The following RNF144A variants were observed in gnomAD, a reference collection of about 807,000 sequenced individuals.
The protein encoded by RNF144A is ring finger protein 144A.
Under a neutral mutation model 38.7 loss-of-function variants are expected in RNF144A, and 11 were observed. The observed-to-expected ratio is 0.28, with a 90% CI of 0.18 to 0.47. RNF144A has a LOEUF of 0.47. RNF144A is among the 20% of genes least tolerant of loss of function. RNF144A has a pLI of 0.99. For missense variants in RNF144A, 316 were observed against 377.2 expected, an observed-to-expected ratio of 0.84 and a Z score of 1.34; for synonymous variants, 149 against 143.9, an observed-to-expected ratio of 1.04 and a Z score of -0.25.
At chr2:7,033,975 CA>C (rs1159269813) in intron 8 of RNF144A, among the ~76,000 whole-genome samples, 1 of 152,172 alleles carries the variant, frequency 6.6e-6, no homozygotes, top group Non-Finnish European at 1.5e-5. Context: ...GGGAACTTCA[CA>C]GGGGCCGGGC....
In RNF144A at chr2:6,943,109, G is replaced by A. The variant is rs78451556; in HGVS notation, c.-12+1962G>A. Among the ~76,000 whole-genome samples, 3,034 of 152,352 alleles carry A rather than the reference G, an allele frequency of 0.02. 97 individuals are homozygous for A. The highest frequency in any genetic ancestry group is 0.07 in the African/African-American group (2,894 of 41,568). The stretch of plus-strand genomic sequence containing the variant: ...ATCTGATCGTTTAAGAGGGCGGTAT[G>A]TGCTGGAGATGTGATAGGAGTCTTT... On this transcript the variant is annotated intron_variant, in intron 2 of 8. Coordinates refer to ENST00000320892, the MANE Select transcript of RNF144A (RefSeq NM_014746.6). The surrounding 1 kb of genome is among the most constrained non-coding windows in gnomAD (Gnocchi z 4.3).
chr2:7,018,975 C>T (rs747885715), intron 5 of RNF144A, among the ~76,000 whole-genome samples: 4 of 152,032 alleles, frequency 2.6e-5, no homozygotes, highest in Admixed American at 6.5e-5. Context: ...CCGCCGGTGG[C>T]CTGCTGCTGT....
At chr2:6,987,399 A>C (rs1027345083) in intron 2 of RNF144A, among the ~76,000 whole-genome samples, 4 of 152,000 alleles carry the variant, frequency 2.6e-5, no homozygotes, top group African/African-American at 9.7e-5. Context: ...TCAGATCACA[A>C]TTCTGTCCTC....
At chr2:7,045,218 G>A (rs1255496357), downstream of RNF144A, among the ~76,000 whole-genome samples, 1 of 152,208 alleles carries the variant, frequency 6.6e-6, no homozygotes, top group Non-Finnish European at 1.5e-5. Flanking sequence ...TGACCTGGTG[G>A]GGGCACAGTG....
At chr2:7,030,847 T>A (rs1672250240) in intron 8 of RNF144A, among the ~76,000 whole-genome samples, 1 of 151,946 alleles carries the variant, frequency 6.6e-6, no homozygotes, top group Non-Finnish European at 1.5e-5. Context: ...AGCCCTGAGC[T>A]TGTTTTCCTG....
At chr2:6,970,684 A>G (rs1572297515) in intron 2 of RNF144A, among the ~76,000 whole-genome samples, 1 of 152,158 alleles carries the variant, frequency 6.6e-6, no homozygotes, top group African/African-American at 2.4e-5. Context: ...AGGTCCCTTC[A>G]GAGAGCAGAG....
chr2:7,071,264 G>A (rs1405935817), downstream of RNF144A, among the ~76,000 whole-genome samples: 1 of 152,108 alleles, frequency 6.6e-6, no homozygotes, highest in Non-Finnish European at 1.5e-5. Flanking sequence ...CAGAAGCCCT[G>A]GGAAACTGAC....
Position 7,040,437 on chromosome 2 carries a change from T to C in RNF144A, c.*677T>C. On this transcript the variant is annotated 3_prime_UTR_variant, in exon 9 of 9. Coordinates refer to ENST00000320892, the MANE Select transcript of RNF144A (RefSeq NM_014746.6). ...AACTTTTTGAACGCTGTAAGCTGTG[T>C]ACTGTTATAAGTGTGCTTCCTATAT... 5.1e-6 allele frequency: 5 copies of C among 985,478 alleles called. No homozygotes were observed. The highest frequency in any genetic ancestry group is 6.0e-6 in the Non-Finnish European group (5 of 829,946). The allele number at this position is 985,478 out of a possible 1,614,324, so 61.0% of individuals were successfully genotyped here.
chr2:7,028,999 C>T (rs757513379), intron 7 of RNF144A, among the ~76,000 whole-genome samples: 17 of 152,212 alleles, frequency 1.1e-4, no homozygotes, highest in Admixed American at 3.3e-4. Context: ...GGCTGGTGTC[C>T]TCCCCACAAG....
rs754090242 is a variant in RNF144A, at chr2:7,014,740, T to C, written c.269T>C (p.Met90Thr). The change falls in exon 5 of 9, where the codon ATG (methionine) becomes ACG (threonine). Residue 90 changes from methionine (M) to threonine (T), a missense_variant. Met to Thr is a moderately conservative substitution (Grantham distance 81). Transcript: ENST00000320892. ...EIECMVAAEI[M>T]QRYKKLQFER... ...GAGTGCATGGTTGCAGCTGAAATTA[T>C]GCAAAGATATAAAAAGCTACAATTT... 1 of 1,613,616 alleles carries C rather than the reference T, an allele frequency of 6.2e-7. No homozygotes were observed.
the RNF144A span, chr2:7,074,681 A>G: frequency 1.3e-5 from 2 of 152,290 alleles, no homozygotes; most frequent in African/African-American, 2.4e-5. Context: ...ATCTGTGTCT[A>G]TGTCACTCCT....
chr2:7,004,308 G>GA (rs539492673), intron 3 of RNF144A, among the ~76,000 whole-genome samples: 109 of 152,362 alleles, frequency 7.2e-4, no homozygotes, highest in African/African-American at 2.5e-3. Context: ...TGGGGAAAGA[G>GA]AAGGTCTCTT....
At chr2:7,067,505 C>G (rs309265) in intron 6 of RNF144A, among the ~76,000 whole-genome samples, 42,144 of 152,002 alleles carry the variant, frequency 0.28, 7,042 homozygotes, top group South Asian at 0.43. Flanking sequence ...ATTGGCTGCC[C>G]TCTGGGCTCA....
intron 2 of RNF144A, among the ~76,000 whole-genome samples, chr2:6,946,667 T>C (rs375436281): frequency 9.2e-5 from 14 of 152,290 alleles, no homozygotes; most frequent in African/African-American, 3.4e-4. Flanking sequence ...TAGAATCAGC[T>C]AAATATACAA....
At chr2:6,971,016 T>C (rs1200590170) in intron 2 of RNF144A, among the ~76,000 whole-genome samples, 1 of 152,230 alleles carries the variant, frequency 6.6e-6, no homozygotes, top group African/African-American at 2.4e-5. Flanking sequence ...ATTTGACACA[T>C]TTTTCTTACT....
At chr2:7,070,550 A>G (rs1213218129), downstream of RNF144A, among the ~76,000 whole-genome samples, 2 of 152,218 alleles carry the variant, frequency 1.3e-5, no homozygotes, top group East Asian at 3.8e-4. Context: ...TGTGAATGTA[A>G]CCTTATTTGG....
At chr2:6,991,974 A>G (rs1669415561) in intron 2 of RNF144A, among the ~76,000 whole-genome samples, 1 of 152,226 alleles carries the variant, frequency 6.6e-6, no homozygotes, top group Non-Finnish European at 1.5e-5. Context: ...TGAGGGTCAC[A>G]CTTACCCAGA....
At chr2:7,001,974 A>G (rs1670136428) in intron 3 of RNF144A, among the ~76,000 whole-genome samples, 1 of 152,236 alleles carries the variant, frequency 6.6e-6, no homozygotes, top group Admixed American at 6.5e-5. Context: ...GGTATAAAGT[A>G]TTGAGCAGTA....
chr2:6,976,098 C>T (rs1265363416), intron 2 of RNF144A, among the ~76,000 whole-genome samples: 1 of 152,198 alleles, frequency 6.6e-6, no homozygotes. Context: ...CAGTGACTAA[C>T]TTCCTCCACT....
Sources: allele counts gnomAD v4.1 joint callset (sites outside exome capture counted in the v4.1 genomes callset), GRCh38; gene constraint gnomAD v4.1.1; non-coding constraint Gnocchi (gnomAD v3.1); transcripts MANE v1.5; gene names NCBI Gene and HGNC (gene_info 2026-07-23, HGNC 2026-07-21).